FAM53B: variants seen among roughly 807,000 people sequenced by gnomAD.
The protein encoded by FAM53B is protein FAM53B.
A neutral mutation model predicts 32.7 loss-of-function variants in FAM53B; 12 were observed. The observed-to-expected ratio is 0.37, with a 90% CI of 0.24 to 0.59. FAM53B has a LOEUF of 0.59. Ranked by LOEUF, FAM53B falls within the 20% of genes least tolerant of loss-of-function variation. The pLI, the probability that FAM53B is intolerant of heterozygous loss-of-function variation, is 0.72. For missense variants in FAM53B, 477 were observed against 577.7 expected (o/e 0.83, Z 1.79); for synonymous variants, 234 against 228.7 (o/e 1.02, Z -0.21).
chr10:124,685,610 G>C (rs1949798090), intron 3 of FAM53B, among the ~76,000 whole-genome samples: 1 of 152,232 alleles, frequency 6.6e-6, no homozygotes, highest in African/African-American at 2.4e-5. Flanking sequence ...CCAGGCCTCG[G>C]GGAAACCCGT....
chr10:124,661,154 G>A (rs1158001207), intron 4 of FAM53B, among the ~76,000 whole-genome samples: 1 of 151,872 alleles, frequency 6.6e-6, no homozygotes, highest in Non-Finnish European at 1.5e-5. Context: ...CACCACTCCT[G>A]GAAGACATGG....
intron 2 of FAM53B, 92 bp downstream of exon 2, chr10:124,706,544 T>C (rs1347780928): frequency 1.3e-6 from 2 of 1,535,488 alleles, no homozygotes; most frequent in African/African-American, 1.4e-5. Context: ...CTGGACTCGA[T>C]TTGCTAAGCT....
rs1024975893 is a variant in FAM53B, at chr10:124,709,241, G to A, written c.-174-2354C>T. On this transcript the variant is annotated intron_variant, in intron 1 of 4. Transcript: ENST00000337318. ...GCCCATCCCTCTGGTGAAGTAGGAG[G>A]CGGCCAGTAGAATGAAACTGTGGAA... 3.9e-5 allele frequency among the ~76,000 whole-genome samples: 6 copies of A among 152,182 alleles called. No individual in the cohort carries two copies. The East Asian group carries it at 1.2e-3, about 29-fold the overall frequency.
intron 4 of FAM53B, among the ~76,000 whole-genome samples, chr10:124,664,220 C>G (rs758833256): frequency 7.9e-5 from 12 of 152,094 alleles, no homozygotes; most frequent in Non-Finnish European, 1.0e-4. Flanking sequence ...CTGCCTGACA[C>G]CAGCAGATCA....
Position 124,619,604 on chromosome 10 carries a change from A to G in FAM53B, c.*3638T>C, listed in dbSNP as rs530793310. 1 of 152,546 alleles carries G rather than the reference A, an allele frequency of 6.6e-6. No individual in the cohort carries two copies. Among genetic ancestry groups the G allele is most frequent in the South Asian group, 2.1e-4 (1 of 4,826 alleles). The allele number at this position is 152,546 out of a possible 1,614,324, so 9.4% of individuals were successfully genotyped here. ...TCATTTGCCAAAAAGACTATGCTAGAAGGTCAGACTATCCTATCTAGGCTA... is the reference window on the plus strand; with the variant it reads ...TCATTTGCCAAAAAGACTATGCTAGGAGGTCAGACTATCCTATCTAGGCTA... On this transcript the variant is annotated 3_prime_UTR_variant, in exon 5 of 5. Transcript: ENST00000337318.
Position 124,623,265 on chromosome 10 carries a change from T to G in FAM53B, c.1246A>C (p.Ile416Leu). Residue 416 changes from isoleucine to leucine, a missense_variant, in exon 5 of 5, where the codon ATT becomes CTT. This residue lies in a region of FAM53B where 165 missense variants were observed against 157.5 expected (regional missense o/e 1.05). Coordinates refer to ENST00000337318, the MANE Select transcript of FAM53B (RefSeq NM_014661.4). Reference sequence around the variant, plus strand: ...CCTCAGTTCTTCTCTATCTGCTCAATGTCCAACTCGCCGTCCAGGGAGCAG... The same window carrying G: ...CCTCAGTTCTTCTCTATCTGCTCAAGGTCCAACTCGCCGTCCAGGGAGCAG... ...SLCSLDGELD[I>L]EQIEKN 1 of 1,608,148 alleles carries G rather than the reference T, an allele frequency of 6.2e-7. No homozygotes were observed. The highest frequency in any genetic ancestry group is 8.5e-7 in the Non-Finnish European group (1 of 1,177,460).
At chr10:124,736,191 C>T (rs1362872113) in intron 1 of FAM53B, among the ~76,000 whole-genome samples, 6 of 152,252 alleles carry the variant, frequency 3.9e-5, no homozygotes, top group Admixed American at 1.3e-4. Flanking sequence ...GGTGGCAGGA[C>T]CAGCAAGGTG....
chr10:124,652,294 G>A (rs1220366407), intron 4 of FAM53B, among the ~76,000 whole-genome samples: 2 of 152,148 alleles, frequency 1.3e-5, no homozygotes, highest in African/African-American at 2.4e-5. Context: ...TGCACAATAC[G>A]TTCACATCCA....
chr10:124,741,921 A>AG (rs1950202564), intron 1 of FAM53B, among the ~76,000 whole-genome samples: 1 of 152,240 alleles, frequency 6.6e-6, no homozygotes, highest in Admixed American at 6.5e-5. Context: ...AGAAGACTGG[A>AG]ACATTCAAGT....
At chr10:124,627,821 A>AG (rs1366257367) in intron 4 of FAM53B, among the ~76,000 whole-genome samples, 1 of 151,980 alleles carries the variant, frequency 6.6e-6, no homozygotes, top group East Asian at 1.9e-4. Flanking sequence ...CGGCCTCCCT[A>AG]GGGCTTCCCA....
intron 4 of FAM53B, among the ~76,000 whole-genome samples, chr10:124,667,000 G>A (rs1949676789): frequency 6.6e-6 from 1 of 152,162 alleles, no homozygotes; most frequent in African/African-American, 2.4e-5. Context: ...AAGGGTCTAT[G>A]GCAGCACCAA....
intron 3 of FAM53B, among the ~76,000 whole-genome samples, chr10:124,693,466 C>CAA (rs60351967): frequency 3.2e-5 from 3 of 94,772 alleles, no homozygotes; most frequent in African/African-American, 8.1e-5. Context: ...GACTCTGTCT[C>CAA]AAAAAAAAAA....
intron 4 of FAM53B, among the ~76,000 whole-genome samples, chr10:124,635,604 T>C (rs1387254982): frequency 3.9e-5 from 6 of 152,124 alleles, no homozygotes; most frequent in Non-Finnish European, 8.8e-5. Flanking sequence ...CCCTCTGAGA[T>C]GCAGGGAGGA....
intron 4 of FAM53B, among the ~76,000 whole-genome samples, chr10:124,637,705 A>G (rs1949442204): frequency 6.6e-6 from 1 of 152,164 alleles, no homozygotes; most frequent in Non-Finnish European, 1.5e-5. Flanking sequence ...CTCCAGGCCA[A>G]TCTCACTCAT....
At chr10:124,650,194 G>A (rs1349807611) in intron 4 of FAM53B, among the ~76,000 whole-genome samples, 3 of 152,192 alleles carry the variant, frequency 2.0e-5, no homozygotes, top group African/African-American at 7.2e-5. Flanking sequence ...GCTGTGCCCT[G>A]CTCCCAGAGT....
chr10:124,705,026 C>A (rs1041322399), intron 2 of FAM53B, among the ~76,000 whole-genome samples: 19 of 152,226 alleles, frequency 1.2e-4, no homozygotes, highest in African/African-American at 4.6e-4. Flanking sequence ...CCAAGGCTGC[C>A]ATCGAGCAAA....
chr10:124,624,961 C>T (rs187416902), intron 4 of FAM53B, among the ~76,000 whole-genome samples: 19 of 152,298 alleles, frequency 1.2e-4, no homozygotes, highest in African/African-American at 3.8e-4. Flanking sequence ...GGAATTCCAG[C>T]CTTTAGTTTC....
intron 2 of FAM53B, among the ~76,000 whole-genome samples, chr10:124,706,084 G>A (rs752764245): frequency 1.8e-4 from 27 of 152,238 alleles, no homozygotes; most frequent in African/African-American, 3.9e-4. Flanking sequence ...TGTTTTGCTC[G>A]TAGTCTAAGA....
Position 124,706,626 on chromosome 10 carries a change from AG to A in FAM53B, c.78+9del. ...GGTCATGGAAAGCAGGAAGCCTGCC[AG>A]GTCCTCACCAGTTCACGGCTGAAGG... On this transcript the variant is annotated intron_variant, in intron 2 of 4. Coordinates refer to ENST00000337318, the MANE Select transcript of FAM53B (RefSeq NM_014661.4). The A allele has an allele frequency of 1.2e-6, 2 of 1,614,228 alleles. No individual in the cohort carries two copies. Among genetic ancestry groups the A allele is most frequent in the Non-Finnish European group, 8.5e-7 (1 of 1,180,030 alleles).
Sources: allele counts gnomAD v4.1 joint callset (sites outside exome capture counted in the v4.1 genomes callset), GRCh38; gene constraint gnomAD v4.1.1; regional missense constraint gnomAD v4.1.1; transcripts MANE v1.5; gene names NCBI Gene and HGNC (gene_info 2026-07-23, HGNC 2026-07-21).